Variants in DIAPH2 observed in about 807,000 individuals in gnomAD.
The protein encoded by DIAPH2 is protein diaphanous homolog 2.
A neutral mutation model predicts 92.7 loss-of-function variants in DIAPH2; 35 were observed. The observed-to-expected ratio is 0.38, with a 90% CI of 0.29 to 0.50. The LOEUF (loss-of-function observed/expected upper bound fraction) is 0.50. Ranked by LOEUF, DIAPH2 falls within the 20% of genes least tolerant of loss-of-function variation. DIAPH2 has a pLI of 0.94. For synonymous variants in DIAPH2, 301 were observed against 280.4 expected (o/e 1.07, Z -0.73); for missense variants, 701 against 819.5 (o/e 0.86, Z 1.77).
intron 26 of DIAPH2, among the ~76,000 whole-genome samples, chrX:97,507,230 T>C (rs1370200431): frequency 1.8e-5 from 2 of 109,573 alleles, no homozygotes; most frequent in Non-Finnish European, 3.8e-5. Context: ...ATACGCATCT[T>C]ATTTTTGTAA....
At chrX:96,784,861 G>T (rs1173825144) in intron 4 of DIAPH2, among the ~76,000 whole-genome samples, 3 of 112,039 alleles carry the variant, frequency 2.7e-5, no homozygotes, top group Non-Finnish European at 5.6e-5. Context: ...CTTGACTACA[G>T]TTGGAGAATA....
chrX:96,776,761 T>G (rs1233208438), intron 4 of DIAPH2, among the ~76,000 whole-genome samples: 2 of 110,754 alleles, frequency 1.8e-5, no homozygotes, highest in African/African-American at 6.5e-5. Context: ...TTAAAAGATA[T>G]GATGTAAACC....
At chrX:97,465,338 C>A (rs998661664) in intron 26 of DIAPH2, among the ~76,000 whole-genome samples, 1 of 111,273 alleles carries the variant, frequency 9.0e-6, no homozygotes, top group Non-Finnish European at 1.9e-5. Context: ...ATTGTCCTTT[C>A]ATATCCGTAG....
intron 4 of DIAPH2, among the ~76,000 whole-genome samples, chrX:96,866,065 G>C (rs1285759101): frequency 1.8e-5 from 2 of 111,771 alleles, no homozygotes; most frequent in Non-Finnish European, 3.8e-5. Context: ...CCTCACTCCT[G>C]TATCATATCG....
intron 26 of DIAPH2, among the ~76,000 whole-genome samples, chrX:97,545,029 C>A (rs2071169315): frequency 9.1e-6 from 1 of 110,481 alleles, no homozygotes; most frequent in Admixed American, 9.6e-5. Context: ...CCGCACTGGG[C>A]CCCAGTAGAT....
chrX:97,458,302 G>A (rs1258223035), intron 26 of DIAPH2, among the ~76,000 whole-genome samples: 1 of 93,574 alleles, frequency 1.1e-5, no homozygotes, highest in Non-Finnish European at 2.1e-5. Context: ...CTTTTCTTTC[G>A]TTCTTTTTTT....
intron 22 of DIAPH2, among the ~76,000 whole-genome samples, chrX:97,246,644 G>T (rs1310393189): frequency 1.1e-4 from 12 of 112,206 alleles, no homozygotes; most frequent in South Asian, 3.7e-4. Flanking sequence ...TTTGCCAAGG[G>T]GTTGATTTTG....
intron 15 of DIAPH2, 146 bp from the exon 16 acceptor site, chrX:96,957,682 A>G: frequency 2.1e-6 from 1 of 485,876 alleles, no homozygotes; most frequent in Non-Finnish European, 3.4e-6. Flanking sequence ...CTTGCTAAAT[A>G]TTTAGATATT....
chrX:97,550,656 G>A (rs2071213188), intron 26 of DIAPH2, among the ~76,000 whole-genome samples: 1 of 111,831 alleles, frequency 8.9e-6, no homozygotes, highest in African/African-American at 3.3e-5. Context: ...AGTTAACAAG[G>A]GATATTAGGA....
In DIAPH2 at chrX:97,443,968, A is replaced by G. The variant is rs372487459; in HGVS notation, c.3241+14223A>G. 5.3e-5 allele frequency among the ~76,000 whole-genome samples: 6 copies of G among 112,367 alleles called. No homozygotes were observed. The East Asian group carries it at 1.7e-3, about 31-fold the overall frequency. The stretch of plus-strand genomic sequence containing the variant: ...GTCTTTGCAAATACTGTGATGCTCT[A>G]TAAGATGGGGAAATAGAAGTTAGTG... On this transcript the variant is annotated intron_variant, in intron 26 of 26. Coordinates refer to ENST00000324765, the MANE Select transcript of DIAPH2 (RefSeq NM_006729.5).
At chrX:96,946,205 C>T (rs1470816460) in intron 14 of DIAPH2, among the ~76,000 whole-genome samples, 2 of 111,576 alleles carry the variant, frequency 1.8e-5, no homozygotes, top group African/African-American at 3.2e-5. Flanking sequence ...TGTGAATATC[C>T]GAATTGTATT....
At chrX:96,871,610 CTCTG>C (rs2065143803) in intron 4 of DIAPH2, among the ~76,000 whole-genome samples, 1 of 110,932 alleles carries the variant, frequency 9.0e-6, no homozygotes, top group African/African-American at 3.3e-5. Flanking sequence ...CCATGGGCCC[CTCTG>C]AAAGTTGGTG....
chrX:97,414,291 C>T (rs780851925), intron 25 of DIAPH2, among the ~76,000 whole-genome samples: 1 of 111,441 alleles, frequency 9.0e-6, no homozygotes, highest in Non-Finnish European at 1.9e-5. Context: ...CTGACAGTAA[C>T]AAGAAATGGG....
At chrX:96,738,463 A>T (rs2147570430) in intron 2 of DIAPH2, 123 bp from the exon 3 acceptor site, 1 of 524,648 alleles carries the variant, frequency 1.9e-6, no homozygotes, top group East Asian at 3.9e-5. Context: ...TTAAAATAGT[A>T]TTTTGTCAGA....
rs749258335 is a variant in DIAPH2, at chrX:96,815,280, G to A, written c.447+57022G>A. Among the ~76,000 whole-genome samples, 147 of 111,649 alleles carry A rather than the reference G, an allele frequency of 1.3e-3. 1 individual carries two copies. Among genetic ancestry groups the A allele is most frequent in the African/African-American group, 4.6e-3 (141 of 30,736 alleles). On this transcript the variant is annotated intron_variant, in intron 4 of 26. Coordinates refer to ENST00000324765, the MANE Select transcript of DIAPH2 (RefSeq NM_006729.5). ...CCCCTGCCAGGCTGCTGCCTCGCAG[G>A]TCGATCTGTGCTAGCAGTGAGCAAG...
chrX:96,755,834 T>C (rs1307100053), intron 3 of DIAPH2, among the ~76,000 whole-genome samples: 2 of 110,409 alleles, frequency 1.8e-5, no homozygotes, highest in Admixed American at 1.9e-4. Flanking sequence ...CCTTTTACAA[T>C]GTGCTCTTTT....
intron 13 of DIAPH2, among the ~76,000 whole-genome samples, chrX:96,944,283 C>T (rs1007592926): frequency 8.0e-5 from 9 of 111,892 alleles, no homozygotes; most frequent in Non-Finnish European, 1.3e-4. Flanking sequence ...AGCTTAGATT[C>T]GGCTGTTCTT....
chrX:97,576,546 C>A (rs1396343831), intron 26 of DIAPH2, among the ~76,000 whole-genome samples: 1 of 110,952 alleles, frequency 9.0e-6, no homozygotes, highest in Non-Finnish European at 1.9e-5. Context: ...TCATGTGCTA[C>A]AGAGAGGTCA....
At chrX:96,764,295 G>A (rs1301463911) in intron 4 of DIAPH2, among the ~76,000 whole-genome samples, 2 of 110,797 alleles carry the variant, frequency 1.8e-5, no homozygotes, top group African/African-American at 6.6e-5. Flanking sequence ...ATGATGGCTG[G>A]TGTTTGGCTA....
Sources: allele counts gnomAD v4.1 joint callset (sites outside exome capture counted in the v4.1 genomes callset), GRCh38; gene constraint gnomAD v4.1.1; transcripts MANE v1.5; gene names NCBI Gene and HGNC (gene_info 2026-07-23, HGNC 2026-07-21).